The following ATRN variants were observed in gnomAD, a reference collection of about 807,000 sequenced individuals.
The protein encoded by ATRN is attractin.
In ATRN, 54 loss-of-function variants were observed where a neutral mutation model predicts 178.7. The ratio of observed to expected loss-of-function variants is 0.30; its 90% confidence interval spans 0.24 to 0.38. The LOEUF (loss-of-function observed/expected upper bound fraction) is 0.38, where lower values mean the gene tolerates loss of function less well. ATRN is among the 10% of genes least tolerant of loss of function. The pLI is 1.00. For missense variants in ATRN, 1,443 were observed against 1,815.1 expected (o/e 0.79, Z 3.73); for synonymous variants, 636 against 663.0 (o/e 0.96, Z 0.63).
At chr20:3,508,249 A>C (rs2085075275) in intron 1 of ATRN, among the ~76,000 whole-genome samples, 1 of 152,004 alleles carries the variant, frequency 6.6e-6, no homozygotes, top group African/African-American at 2.4e-5. Context: ...CTACCTTCTT[A>C]TTATAAACAA....
At chr20:3,502,907 A>T (rs895963735) in intron 1 of ATRN, among the ~76,000 whole-genome samples, 2 of 152,168 alleles carry the variant, frequency 1.3e-5, no homozygotes, top group Admixed American at 1.3e-4. Context: ...AGATATGGGC[A>T]GGTAGGTGGA....
At chr20:3,536,824 AAAG>A (rs1427993573) in intron 2 of ATRN, among the ~76,000 whole-genome samples, 1 of 152,202 alleles carries the variant, frequency 6.6e-6, no homozygotes, top group Non-Finnish European at 1.5e-5. Flanking sequence ...AAGTAGGAAA[AAAG>A]AGATTTTAAT....
intron 18 of ATRN, among the ~76,000 whole-genome samples, chr20:3,589,791 G>T (rs1047098282): frequency 6.6e-6 from 1 of 152,150 alleles, no homozygotes; most frequent in South Asian, 2.1e-4. Flanking sequence ...ACTGGTGTGC[G>T]CATCTCCCTC....
intron 1 of ATRN, among the ~76,000 whole-genome samples, chr20:3,495,038 T>C (rs2146096505): frequency 6.6e-6 from 1 of 152,344 alleles, no homozygotes; most frequent in South Asian, 2.1e-4. Context: ...TATAATGTTA[T>C]ATCATTTATA....
intron 24 of ATRN, among the ~76,000 whole-genome samples, chr20:3,617,616 C>T (rs1050182277): frequency 4.0e-5 from 6 of 151,800 alleles, no homozygotes; most frequent in South Asian, 2.1e-4. Flanking sequence ...GCCAGGAGTT[C>T]GAGACCAGCC....
At chr20:3,532,846 T>C (rs1202821704) in intron 1 of ATRN, among the ~76,000 whole-genome samples, 1 of 152,004 alleles carries the variant, frequency 6.6e-6, no homozygotes, top group African/African-American at 2.4e-5. Flanking sequence ...CACTGCAAGC[T>C]CTGCCTCCTG....
intron 4 of ATRN, 47 bp from the exon 5 acceptor site, chr20:3,547,237 G>A (rs239187): frequency 0.39 from 556,455 of 1,420,412 alleles, 116,159 homozygotes; most frequent in African/African-American, 0.59. Context: ...CTAAGTTAAT[G>A]GAAGCGTTGC....
chr20:3,560,134 T>C (rs1381354075), intron 7 of ATRN, among the ~76,000 whole-genome samples: 3 of 152,094 alleles, frequency 2.0e-5, no homozygotes, highest in Non-Finnish European at 4.4e-5. Context: ...CATTCTTTTT[T>C]TCCTTCTTCA....
At chr20:3,533,656 T>C (rs1161969252) in intron 1 of ATRN, among the ~76,000 whole-genome samples, 2 of 152,162 alleles carry the variant, frequency 1.3e-5, no homozygotes, top group African/African-American at 4.8e-5. Context: ...AGGTCCCTGA[T>C]GATCATGGAA....
At chr20:3,480,570 C>T (rs2084604911) in intron 1 of ATRN, among the ~76,000 whole-genome samples, 1 of 152,098 alleles carries the variant, frequency 6.6e-6, no homozygotes, top group Non-Finnish European at 1.5e-5. Flanking sequence ...AGTTGGATTT[C>T]CTTCCACTTA....
chr20:3,533,512 A>AC (rs1015773925), intron 1 of ATRN, among the ~76,000 whole-genome samples: 14 of 151,886 alleles, frequency 9.2e-5, no homozygotes, highest in South Asian at 2.1e-4. Context: ...GAGAGGGTGT[A>AC]CCCCCCCGTT....
chr20:3,551,369 A>G (rs1265760391), intron 6 of ATRN, among the ~76,000 whole-genome samples: 1 of 152,138 alleles, frequency 6.6e-6, no homozygotes, highest in African/African-American at 2.4e-5. Context: ...TACATGGGAA[A>G]ATTCATGTTC....
chr20:3,593,811 T>A (rs1316660956), intron 19 of ATRN, among the ~76,000 whole-genome samples: 1 of 152,238 alleles, frequency 6.6e-6, no homozygotes, highest in African/African-American at 2.4e-5. Context: ...AGGCTTTCAC[T>A]TTTTTCAACT....
chr20:3,498,585 A>T (rs2084912936), intron 1 of ATRN, among the ~76,000 whole-genome samples: 1 of 152,160 alleles, frequency 6.6e-6, no homozygotes, highest in Non-Finnish European at 1.5e-5. Flanking sequence ...CAAAAACCAC[A>T]TGATTATCTC....
chr20:3,591,093 G>T, intron 18 of ATRN, 76 bp from the exon 19 acceptor site: 1 of 1,375,760 alleles, frequency 7.3e-7, no homozygotes, highest in Non-Finnish European at 9.7e-7. Context: ...AGAGATAGTT[G>T]CAGATAAATC....
At chr20:3,623,564 G>A (rs533094998) in intron 24 of ATRN, among the ~76,000 whole-genome samples, 5 of 152,258 alleles carry the variant, frequency 3.3e-5, no homozygotes, top group Non-Finnish European at 5.9e-5. Context: ...GCAGATGCTC[G>A]TCATTTACCT....
intron 1 of ATRN, among the ~76,000 whole-genome samples, chr20:3,529,380 CAGAA>C (rs2085418762): frequency 6.6e-6 from 1 of 152,190 alleles, no homozygotes; most frequent in Non-Finnish European, 1.5e-5. Context: ...TACCTGTCCA[CAGAA>C]AGATTTATAC....
chr20:3,472,301 A>T (rs970796492), intron 1 of ATRN, among the ~76,000 whole-genome samples: 1 of 152,264 alleles, frequency 6.6e-6, no homozygotes, highest in Admixed American at 6.5e-5. Flanking sequence ...CAGATTAGCC[A>T]GACTTTGGCC....
Position 3,547,503 on chromosome 20 carries a change from T to C in ATRN, c.943+14T>C, listed in dbSNP as rs758730661. ...CAGACTGGCAGGGTAGGAGCTTCTT[T>C]CATTTTTATTTTTTCTTCCATTTAT... On this transcript the variant is annotated intron_variant, in intron 5 of 28. Transcript: ENST00000262919. 6.3e-7 allele frequency: 1 copy of C among 1,588,038 alleles called. No homozygotes were observed. The highest frequency in any genetic ancestry group is 2.2e-5 in the East Asian group (1 of 44,752).
Sources: gnomAD v4.1 joint callset for allele counts (sites outside exome capture counted in the v4.1 genomes callset) on GRCh38, gnomAD v4.1.1 for gene constraint, MANE v1.5 for transcripts, NCBI Gene and HGNC (gene_info 2026-07-23, HGNC 2026-07-21) for gene names.